PTPRD: variants seen among roughly 807,000 people sequenced by gnomAD.
PTPRD encodes receptor-type tyrosine-protein phosphatase delta.
A neutral mutation model predicts 214.5 loss-of-function variants in PTPRD; 34 were observed. The ratio of observed to expected loss-of-function variants is 0.16; its 90% CI spans 0.12 to 0.21. PTPRD has a LOEUF of 0.21. Ranked by LOEUF, PTPRD falls within the 10% of genes least tolerant of loss-of-function variation. PTPRD has a pLI of 1.00. For synonymous variants in PTPRD, 1,128 were observed against 845.7 expected (o/e 1.33, Z -5.79); for missense variants, 2,545 against 2,398.7 (o/e 1.06, Z -1.27).
intron 11 of PTPRD, among the ~76,000 whole-genome samples, chr9:8,980,043 A>G (rs905180681): frequency 6.6e-6 from 1 of 152,146 alleles, no homozygotes; most frequent in African/African-American, 2.4e-5. Context: ...AATATTATTC[A>G]GCCTCAAAAA....
intron 9 of PTPRD, among the ~76,000 whole-genome samples, chr9:9,243,789 G>C (rs2099971587): frequency 6.6e-6 from 1 of 152,126 alleles, no homozygotes; most frequent in African/African-American, 2.4e-5. Flanking sequence ...GTTCTGGCCA[G>C]GGCTATCAGG....
chr9:9,984,253 T>C (rs2095635175), intron 4 of PTPRD, among the ~76,000 whole-genome samples: 1 of 152,150 alleles, frequency 6.6e-6, no homozygotes. Flanking sequence ...TTAGGGGACA[T>C]TTAATACAAA....
chr9:8,891,137 ATT>A (rs761564011), intron 11 of PTPRD, among the ~76,000 whole-genome samples: 8 of 123,608 alleles, frequency 6.5e-5, no homozygotes, highest in Non-Finnish European at 3.3e-5. Context: ...AATTAATCTA[ATT>A]TTTTTTTTTT....
chr9:9,514,832 T>A (rs2096795259), intron 8 of PTPRD, among the ~76,000 whole-genome samples: 1 of 152,096 alleles, frequency 6.6e-6, no homozygotes, highest in South Asian at 2.1e-4. Context: ...AAAATAAGCC[T>A]ACTCTGGAAA....
At chr9:9,696,945 T>C (rs1437114610) in intron 7 of PTPRD, among the ~76,000 whole-genome samples, 1 of 152,108 alleles carries the variant, frequency 6.6e-6, no homozygotes, top group East Asian at 1.9e-4. Flanking sequence ...CTTTTCATAT[T>C]TAGTGTATTC....
At chr9:9,445,697 C>G (rs985831796) in intron 8 of PTPRD, among the ~76,000 whole-genome samples, 1 of 152,018 alleles carries the variant, frequency 6.6e-6, no homozygotes, top group Non-Finnish European at 1.5e-5. Flanking sequence ...GGTAAATGCC[C>G]CCATGATTCA....
chr9:8,764,478 C>T lies in PTPRD; in HGVS notation c.-103-30532G>A, dbSNP rs762483671. On this transcript the variant is annotated intron_variant, in intron 11 of 45. Transcript: ENST00000381196. ...GATCATGGATCTGACACTAAAAATA[C>T]GGACCATTATGGGACACTCTAAAGA... Among the ~76,000 whole-genome samples, 100 of 152,080 alleles carry T rather than the reference C, an allele frequency of 6.6e-4. 1 individual carries two copies. Among genetic ancestry groups the T allele is most frequent in the Non-Finnish European group, 3.1e-4 (21 of 67,988 alleles).
chr9:9,309,213 G>GT lies in PTPRD; in HGVS notation c.-203+88235dup, dbSNP rs146591935. The stretch of plus-strand genomic sequence containing the variant: ...TGCCCTGTTCCTGCCTGAACTGTAT[G>GT]TTTTTGTTTTTTTTTTTAATTTTTC... On this transcript the variant is annotated intron_variant, in intron 9 of 45. Transcript: ENST00000381196. Among the ~76,000 whole-genome samples the GT allele has an allele frequency of 4.1e-3, 622 of 150,650 alleles. 5 individuals are homozygous for GT. Among genetic ancestry groups the GT allele is most frequent in the African/African-American group, 0.014 (581 of 41,048 alleles).
intron 12 of PTPRD, among the ~76,000 whole-genome samples, chr9:8,664,539 A>G (rs1447676540): frequency 6.6e-6 from 1 of 152,162 alleles, no homozygotes; most frequent in Non-Finnish European, 1.5e-5. Flanking sequence ...CTCCAATGTG[A>G]TAGATCAGCC....
chr9:9,597,129 C>G (rs139811936), intron 7 of PTPRD, among the ~76,000 whole-genome samples: 5 of 151,922 alleles, frequency 3.3e-5, no homozygotes, highest in Non-Finnish European at 7.4e-5. Flanking sequence ...TAAACATCTT[C>G]CTGCTCTCCA....
At chr9:9,060,799 T>C (rs1265985808) in intron 10 of PTPRD, among the ~76,000 whole-genome samples, 1 of 152,194 alleles carries the variant, frequency 6.6e-6, no homozygotes, top group Non-Finnish European at 1.5e-5. Context: ...TTATCAACAG[T>C]GTCATGTGTC....
At chr9:8,919,947 C>T (rs2098815436) in intron 11 of PTPRD, among the ~76,000 whole-genome samples, 1 of 137,134 alleles carries the variant, frequency 7.3e-6, no homozygotes. Context: ...TGCATGTACA[C>T]ATGTATGTAT....
At chr9:9,236,818 G>A (rs1034991820) in intron 9 of PTPRD, among the ~76,000 whole-genome samples, 1 of 151,976 alleles carries the variant, frequency 6.6e-6, no homozygotes, top group Non-Finnish European at 1.5e-5. Context: ...AGAGAAATGT[G>A]TGTTAAGCCC....
At chr9:8,762,009 A>T (rs1482878919) in intron 11 of PTPRD, among the ~76,000 whole-genome samples, 1 of 152,186 alleles carries the variant, frequency 6.6e-6, no homozygotes, top group Non-Finnish European at 1.5e-5. Flanking sequence ...GTACATTAAA[A>T]TATACCTACT....
chr9:8,329,627 C>T (rs538876297), intron 44 of PTPRD, among the ~76,000 whole-genome samples: 150 of 152,234 alleles, frequency 9.9e-4, no homozygotes, highest in Middle Eastern at 6.8e-3. Context: ...CTGCCCCTTC[C>T]GCCAGGTGCT....
At chr9:10,587,196 C>A (rs2074149963) in intron 2 of PTPRD, among the ~76,000 whole-genome samples, 1 of 152,072 alleles carries the variant, frequency 6.6e-6, no homozygotes, top group Non-Finnish European at 1.5e-5. Flanking sequence ...AAGGTCCTTA[C>A]ATTCAGCTGT....
chr9:9,314,215 G>A (rs1243131996), intron 9 of PTPRD, among the ~76,000 whole-genome samples: 1 of 152,082 alleles, frequency 6.6e-6, no homozygotes, highest in African/African-American at 2.4e-5. Context: ...ATAAAAAGAG[G>A]ACTGCTCTAT....
In PTPRD at chr9:9,825,789, C is replaced by T. The variant is rs762194589; in HGVS notation, c.-367-58938G>A. Among the ~76,000 whole-genome samples, 88 of 151,732 alleles carry T rather than the reference C, an allele frequency of 5.8e-4. 1 individual carries two copies. The highest frequency in any genetic ancestry group is 1.1e-3 in the Non-Finnish European group (72 of 67,800). ...TTCTTCATGTATCTCCATTATGTTA[C>T]CACATTTTCTTCAAAAATTGGGTTT... On this transcript the variant is annotated intron_variant, in intron 5 of 45. Coordinates refer to ENST00000381196, the MANE Select transcript of PTPRD (RefSeq NM_002839.4).
rs546321357 is a variant in PTPRD, at chr9:9,207,789, A to G, written c.-202-24426T>C. ...ATGTAAGACTATTTGTCATAGTAAA[A>G]GAGTTGAAACAACTCAAATTTCCAT... On this transcript the variant is annotated intron_variant, in intron 9 of 45. Transcript: ENST00000381196. 5.9e-5 allele frequency among the ~76,000 whole-genome samples: 9 copies of G among 152,200 alleles called. No individual in the cohort carries two copies. In the East Asian group the frequency reaches 1.5e-3, roughly 26 times the overall value.
Sources: allele counts gnomAD v4.1 joint callset (sites outside exome capture counted in the v4.1 genomes callset), GRCh38; gene constraint gnomAD v4.1.1; transcripts MANE v1.5; gene names NCBI Gene and HGNC (gene_info 2026-07-23, HGNC 2026-07-21).